SGK1: variants seen among roughly 807,000 people sequenced by gnomAD.
SGK1 encodes the protein serum/glucocorticoid regulated kinase 1, also known as serine/threonine-protein kinase Sgk1.
Under a neutral mutation model 64.2 loss-of-function variants are expected in SGK1, and 26 were observed. That is an observed-to-expected ratio of 0.40 (90% CI 0.30 to 0.56). The LOEUF (loss-of-function observed/expected upper bound fraction) is 0.56. SGK1 is among the 20% of genes least tolerant of loss of function. The pLI is 0.38. For synonymous variants in SGK1, 265 were observed against 239.7 expected, an observed-to-expected ratio of 1.11 and a Z score of -0.98; for missense variants, 519 against 645.6, an observed-to-expected ratio of 0.80 and a Z score of 2.12.
chr6:134,242,159 A>G (rs1045105817), intron 2 of SGK1, among the ~76,000 whole-genome samples: 1 of 152,142 alleles, frequency 6.6e-6, no homozygotes, highest in African/African-American at 2.4e-5. Flanking sequence ...CATGAACCGC[A>G]GAGGGAAGAA....
intron 1 of SGK1, among the ~76,000 whole-genome samples, chr6:134,265,891 G>A (rs1023241672): frequency 2.0e-5 from 3 of 151,474 alleles, no homozygotes; most frequent in Non-Finnish European, 2.9e-5. Flanking sequence ...TCCCCTCCCA[G>A]CTCAGCCTCC....
intron 1 of SGK1, among the ~76,000 whole-genome samples, chr6:134,283,459 G>A (rs1777126718): frequency 6.6e-6 from 1 of 151,852 alleles, no homozygotes; most frequent in Admixed American, 6.6e-5. Flanking sequence ...CCACTGGACT[G>A]CAGCCTCAGT....
At chr6:134,201,394 C>T (rs1472931493) in intron 3 of SGK1, among the ~76,000 whole-genome samples, 1 of 151,074 alleles carries the variant, frequency 6.6e-6, no homozygotes, top group Non-Finnish European at 1.5e-5. Context: ...TAGAGTCTCG[C>T]TCTGTTGCCC....
intron 1 of SGK1, among the ~76,000 whole-genome samples, chr6:134,288,697 C>T (rs531976560): frequency 5.1e-5 from 6 of 118,214 alleles, no homozygotes; most frequent in African/African-American, 1.7e-4. Context: ...AGGCGGTATT[C>T]GGAAGTTCTA....
At chr6:134,242,585 A>T (rs1326131980) in intron 2 of SGK1, among the ~76,000 whole-genome samples, 5 of 151,782 alleles carry the variant, frequency 3.3e-5, no homozygotes, top group Non-Finnish European at 7.4e-5. Context: ...CAGTTGCTTT[A>T]TAGTCCTTCA....
At chr6:134,199,364 G>T (rs1468981503) in intron 3 of SGK1, among the ~76,000 whole-genome samples, 1 of 152,044 alleles carries the variant, frequency 6.6e-6, no homozygotes, top group Non-Finnish European at 1.5e-5. Flanking sequence ...TTCTAGGCCA[G>T]TCTGGCCAAC....
intron 2 of SGK1, among the ~76,000 whole-genome samples, chr6:134,232,986 ATAT>A (rs149488725): frequency 0.075 from 11,391 of 151,972 alleles, 773 homozygotes; most frequent in East Asian, 0.26. Context: ...TAATATTTTA[ATAT>A]TATATTCATA....
chr6:134,263,973 A>C (rs1417781028), intron 1 of SGK1, among the ~76,000 whole-genome samples: 1 of 152,156 alleles, frequency 6.6e-6, no homozygotes, highest in Non-Finnish European at 1.5e-5. Context: ...TAAGAAAGGT[A>C]CTATTTTCAA....
At position 134,201,262 on chromosome 6, in the gene SGK1, G is replaced by T. The variant is rs189047932; in HGVS notation, c.361+6094C>A. On this transcript the variant is annotated intron_variant, in intron 3 of 13. Coordinates refer to ENST00000367858, the MANE Select transcript of SGK1 (RefSeq NM_001143676.3). ...TTTTTAGTAGAGACAGGGTTTCACC[G>T]TGTTAGCCAGGATGGTCTCCATCTC... Among the ~76,000 whole-genome samples, 231 of 151,640 alleles carry T rather than the reference G, an allele frequency of 1.5e-3. 2 individuals carry two copies. Among genetic ancestry groups the T allele is most frequent in the African/African-American group, 4.9e-3 (201 of 41,362 alleles).
intron 2 of SGK1, among the ~76,000 whole-genome samples, chr6:134,218,239 T>C (rs1229655242): frequency 6.6e-6 from 1 of 152,174 alleles, no homozygotes; most frequent in East Asian, 1.9e-4. Flanking sequence ...CATTTTAAGA[T>C]GTCAATTGAG....
At position 134,170,271 on chromosome 6, in the gene SGK1, G is replaced by A. The variant is rs1339008383; in HGVS notation, c.1578C>T (p.Leu526=). 8 of 1,610,934 alleles carry A rather than the reference G, an allele frequency of 5.0e-6. No homozygotes were observed. The highest frequency in any genetic ancestry group is 5.9e-6 in the Non-Finnish European group (7 of 1,177,568). The change falls in exon 14 of 14, where the codon CTC becomes CTT. Residue 526 remains leucine, a synonymous_variant. Transcript: ENST00000367858. ...TAAAACCAAGCCCTAACAGGGTTCA[G>A]AGGAAAGAGTCCGTGGGAGGCGCAT... is the stretch of plus-strand genomic sequence containing the variant. ...FSYAPPTDSF[L]
At chr6:134,174,798 T>C (rs746423391) in intron 3 of SGK1, 18 of 1,614,170 alleles carry the variant, frequency 1.1e-5, no homozygotes, top group Non-Finnish European at 1.4e-5. Context: ...GCCTCAGTTT[T>C]CACCGTCATC....
At chr6:134,182,231 C>G in intron 3 of SGK1, among the ~76,000 whole-genome samples, 1 of 151,978 alleles carries the variant, frequency 6.6e-6, no homozygotes, top group Admixed American at 6.6e-5. Context: ...AGAGTTATAC[C>G]TGCCTCATAT....
intron 3 of SGK1, among the ~76,000 whole-genome samples, chr6:134,192,072 G>A (rs1386797235): frequency 1.3e-5 from 2 of 151,370 alleles, no homozygotes; most frequent in South Asian, 2.1e-4. Context: ...CTCGTGATCC[G>A]CCCGCCTTGG....
chr6:134,286,277 T>C (rs1170374756), intron 1 of SGK1, among the ~76,000 whole-genome samples: 3 of 152,152 alleles, frequency 2.0e-5, no homozygotes, highest in African/African-American at 4.8e-5. Flanking sequence ...CCCAACACTT[T>C]AGGAGGCCTG....
intron 2 of SGK1, among the ~76,000 whole-genome samples, chr6:134,236,508 C>A (rs1181983751): frequency 6.6e-6 from 1 of 151,954 alleles, no homozygotes; most frequent in Non-Finnish European, 1.5e-5. Flanking sequence ...GTGCCTGTAG[C>A]CCCAGCTACT....
chr6:134,267,339 C>T (rs1299649985), intron 1 of SGK1, among the ~76,000 whole-genome samples: 1 of 151,692 alleles, frequency 6.6e-6, no homozygotes, highest in Non-Finnish European at 1.5e-5. Context: ...ACTCTATTCC[C>T]TTTGTTGGAG....
At chr6:134,230,227 C>T (rs1347518910) in intron 2 of SGK1, among the ~76,000 whole-genome samples, 1 of 152,170 alleles carries the variant, frequency 6.6e-6, no homozygotes, top group Non-Finnish European at 1.5e-5. Flanking sequence ...CACCTCACAC[C>T]TGTAATTCCA....
At position 134,193,551 on chromosome 6, in the gene SGK1, C is replaced by T. The variant is rs528534892; in HGVS notation, c.361+13805G>A. Among the ~76,000 whole-genome samples the T allele has an allele frequency of 2.0e-5, 3 of 151,880 alleles. No homozygotes were observed. The South Asian group carries it at 6.3e-4, about 32-fold the overall frequency. ...TAGCCCCACTTCCAGTTTGTTTCCA[C>T]AGTACTTAGAGTGAGTTGCTGTTGT... is the stretch of plus-strand genomic sequence containing the variant. On this transcript the variant is annotated intron_variant, in intron 3 of 13. Transcript: ENST00000367858.
Sources: gnomAD v4.1 joint callset for allele counts (sites outside exome capture counted in the v4.1 genomes callset) on GRCh38, gnomAD v4.1.1 for gene constraint, MANE v1.5 for transcripts, NCBI Gene and HGNC (gene_info 2026-07-23, HGNC 2026-07-21) for gene names.